The following PCDHGA12 variants were observed in gnomAD, a reference collection of about 807,000 sequenced individuals.
PCDHGA12 encodes the protein protocadherin gamma subfamily A, 12, also known as protocadherin gamma-A12.
In PCDHGA12, 43 loss-of-function variants were observed where a neutral mutation model predicts 61.1. The observed-to-expected ratio is 0.70, with a 90% CI of 0.55 to 0.91. PCDHGA12 has a LOEUF of 0.91. Among genes scored for constraint, PCDHGA12 ranks in the 40% least tolerant of loss-of-function variants. PCDHGA12 has a pLI of 0.00. For missense variants in PCDHGA12, 1,236 were observed against 1,227.7 expected, an observed-to-expected ratio of 1.01 and a Z score of -0.10; for synonymous variants, 520 against 542.9, an observed-to-expected ratio of 0.96 and a Z score of 0.59.
chr5:141,455,254 G>T (rs936599726), intron 1 of PCDHGA12, among the ~76,000 whole-genome samples: 3 of 151,732 alleles, frequency 2.0e-5, no homozygotes, highest in African/African-American at 7.3e-5. Context: ...TAGTACAATC[G>T]CATTTCTTCC....
Position 141,486,595 on chromosome 5 carries a change from T to G in PCDHGA12, c.2425-8212T>G. ...AGAACAATCGCCCAGGGGACCTGCTTTGCTCCCTTGCAGCCTCTGACCCAG... is the reference window on the plus strand; with the variant it reads ...AGAACAATCGCCCAGGGGACCTGCTGTGCTCCCTTGCAGCCTCTGACCCAG... On this transcript the variant is annotated intron_variant, in intron 1 of 3. Coordinates refer to ENST00000252085, the MANE Select transcript of PCDHGA12 (RefSeq NM_003735.3). This position sits in a 1 kb window ranked among gnomAD's most constrained non-coding sequence, Gnocchi z 5.0. The G allele has an allele frequency of 6.2e-7, 1 of 1,613,614 alleles. No homozygotes were observed. Among genetic ancestry groups the G allele is most frequent in the Non-Finnish European group, 8.5e-7 (1 of 1,180,016 alleles).
rs534187376 is a variant in PCDHGA12 at position 141,512,974 on chromosome 5, A to G, written c.*1801A>G. ...AAAATAATAAAACGTTTCTTCTGAA[A>G]AGCTGAACGTTTCTGTATAAGCGAT... is the stretch of plus-strand genomic sequence containing the variant. On this transcript the variant is annotated 3_prime_UTR_variant, in exon 4 of 4. Transcript: ENST00000252085. The G allele has an allele frequency of 6.6e-6, 1 of 152,362 alleles. No individual in the cohort carries two copies. Among genetic ancestry groups the G allele is most frequent in the South Asian group, 2.1e-4 (1 of 4,826 alleles). The allele number at this position is 152,362 out of a possible 1,614,324, so 9.4% of individuals were successfully genotyped here. A position where few individuals can be genotyped will look rare whatever the true frequency, so the allele number is the denominator to read the frequency against.
At chr5:141,496,617 A>G (rs2099769939) in intron 2 of PCDHGA12, among the ~76,000 whole-genome samples, 2 of 152,236 alleles carry the variant, frequency 1.3e-5, no homozygotes, top group Admixed American at 1.3e-4. Flanking sequence ...AAAAAGCAGC[A>G]GATCAAAAGG....
chr5:141,454,948 C>T (rs2098807728), intron 1 of PCDHGA12, among the ~76,000 whole-genome samples: 1 of 151,548 alleles, frequency 6.6e-6, no homozygotes, highest in Non-Finnish European at 1.5e-5. Flanking sequence ...GCTGGGACTA[C>T]AGGCGCCGGC....
Position 141,491,205 on chromosome 5 carries a change from A to G in PCDHGA12, c.2425-3602A>G, listed in dbSNP as rs2233609. 2,395 of 1,613,578 alleles carry G rather than the reference A, an allele frequency of 1.5e-3. 36 individuals are homozygous for G. The African/African-American group carries it at 0.028, about 19-fold the overall frequency. On this transcript the variant is annotated intron_variant, in intron 1 of 3. Coordinates refer to ENST00000252085, the MANE Select transcript of PCDHGA12 (RefSeq NM_003735.3). This position sits in a 1 kb window ranked among gnomAD's most constrained non-coding sequence, Gnocchi z 6.9. The stretch of plus-strand genomic sequence containing the variant: ...TGGTGAGGGACAATGGTGACCCTTC[A>G]CTCTCCTCCACAGCCACAGTGCTGC...
intron 1 of PCDHGA12, among the ~76,000 whole-genome samples, chr5:141,453,080 A>T (rs1323212808): frequency 6.6e-6 from 1 of 151,960 alleles, no homozygotes; most frequent in Non-Finnish European, 1.5e-5. Context: ...ACTCTGGTTG[A>T]TTAGTATATT....
rs748546768 is a variant in PCDHGA12 at position 141,430,935 on chromosome 5, T to G, written c.176T>G (p.Leu59Arg). ...SRDLGLEPRELAERGVRIIPR... is the reference protein window; with the variant it reads ...SRDLGLEPRERAERGVRIIPR... The stretch of plus-strand genomic sequence containing the variant: ...GACCTGGGGCTGGAGCCCCGGGAGC[T>G]CGCGGAGCGCGGAGTCCGCATCATC... The change falls in exon 1 of 4, where the codon CTC (leucine) becomes CGC (arginine). Residue 59 changes from leucine (L) to arginine (R), a missense_variant. By Grantham distance (102) the Leu-to-Arg change is moderately radical. Transcript: ENST00000252085. 6.2e-7 allele frequency: 1 copy of G among 1,607,814 alleles called. No homozygotes were observed.
At chr5:141,500,455 C>T (rs1254764658) in intron 2 of PCDHGA12, among the ~76,000 whole-genome samples, 4 of 151,986 alleles carry the variant, frequency 2.6e-5, no homozygotes, top group Non-Finnish European at 5.9e-5. Context: ...GTGATCCGCC[C>T]GCCTCGGCCT....
Position 141,489,400 on chromosome 5 carries a change from T to A in PCDHGA12, c.2425-5407T>A. 6.2e-7 allele frequency: 1 copy of A among 1,614,134 alleles called. No individual in the cohort carries two copies. Among genetic ancestry groups the A allele is most frequent in the Non-Finnish European group, 8.5e-7 (1 of 1,180,020 alleles). On this transcript the variant is annotated intron_variant, in intron 1 of 3. Transcript: ENST00000252085. This position sits in a 1 kb window ranked among gnomAD's most constrained non-coding sequence, Gnocchi z 4.5. ...GGGGAATGTTGCTCAGGATCTGGGC[T>A]TAAAGATGACAGATCTGTTGAGCCG...
intron 1 of PCDHGA12, chr5:141,478,841 A>G (rs1335486924): frequency 1.4e-5 from 19 of 1,405,590 alleles, no homozygotes; most frequent in Non-Finnish European, 1.8e-5. Flanking sequence ...GGGATGGTTA[A>G]GCTAAAACAC....
At chr5:141,505,085 C>A (rs954289918) in intron 2 of PCDHGA12, among the ~76,000 whole-genome samples, 1 of 152,162 alleles carries the variant, frequency 6.6e-6, no homozygotes, top group Non-Finnish European at 1.5e-5. Context: ...TCGCTTGAAC[C>A]CAGGAGGTGG....
At chr5:141,504,594 C>T (rs2099839378) in intron 2 of PCDHGA12, among the ~76,000 whole-genome samples, 2 of 140,288 alleles carry the variant, frequency 1.4e-5, no homozygotes, top group South Asian at 4.4e-4. Context: ...GGATTCACAG[C>T]AAGAGGGAAC....
At chr5:141,436,764 A>G (rs1248797699) in intron 1 of PCDHGA12, among the ~76,000 whole-genome samples, 1 of 152,214 alleles carries the variant, frequency 6.6e-6, no homozygotes, top group East Asian at 1.9e-4. Flanking sequence ...GGTATAATGG[A>G]ATGATTTGTG....
intron 1 of PCDHGA12, among the ~76,000 whole-genome samples, chr5:141,455,844 T>TA (rs2098833146): frequency 6.6e-6 from 1 of 150,818 alleles, no homozygotes; most frequent in Non-Finnish European, 1.5e-5. Flanking sequence ...TCTATCTGCA[T>TA]AAAATAATTT....
chr5:141,441,927 G>A (rs2098285195), intron 1 of PCDHGA12: 2 of 354,242 alleles, frequency 5.6e-6, no homozygotes, highest in Non-Finnish European at 1.1e-5. Flanking sequence ...ACAATGCGTG[G>A]CTGTCCTACC....
chr5:141,507,553 C>T (rs1382652977), intron 3 of PCDHGA12, among the ~76,000 whole-genome samples: 4 of 152,192 alleles, frequency 2.6e-5, no homozygotes, highest in Admixed American at 2.0e-4. Flanking sequence ...ATGAAAGTGG[C>T]AGGCGGCTGG....
chr5:141,509,550 T>C (rs1562240751), intron 3 of PCDHGA12, among the ~76,000 whole-genome samples: 1 of 152,142 alleles, frequency 6.6e-6, no homozygotes, highest in Non-Finnish European at 1.5e-5. Flanking sequence ...TCTCATTTAG[T>C]CCTCACAGCA....
intron 1 of PCDHGA12, among the ~76,000 whole-genome samples, chr5:141,443,505 A>G (rs553893860): frequency 4.4e-4 from 67 of 152,222 alleles, no homozygotes; most frequent in African/African-American, 1.4e-3. Context: ...AAACAAATAA[A>G]GAGCTTCTCT....
chr5:141,473,193 A>G (rs938175797), intron 1 of PCDHGA12, among the ~76,000 whole-genome samples: 2 of 152,232 alleles, frequency 1.3e-5, no homozygotes, highest in African/African-American at 4.8e-5. Flanking sequence ...GAGTAAATGT[A>G]TCTTCTAAAA....
Sources: gnomAD v4.1 joint callset for allele counts (sites outside exome capture counted in the v4.1 genomes callset) on GRCh38, gnomAD v4.1.1 for gene constraint, Gnocchi (gnomAD v3.1) non-coding constraint, MANE v1.5 for transcripts, NCBI Gene and HGNC (gene_info 2026-07-23, HGNC 2026-07-21) for gene names.